ATP1A3: variants seen among roughly 807,000 people sequenced by gnomAD.
ATP1A3 encodes sodium/potassium-transporting ATPase subunit alpha-3.
ATP1A3 carries 12 observed loss-of-function variants against 108.8 expected under a neutral mutation model. That is an observed-to-expected ratio of 0.11 (90% CI 0.07 to 0.18). The LOEUF is 0.18. ATP1A3 is among the 10% of genes least tolerant of loss of function. The pLI, the probability that ATP1A3 is intolerant of heterozygous loss-of-function variation, is 1.00. For missense variants in ATP1A3, 498 were observed against 1,387.7 expected (o/e 0.36, Z 10.19); for synonymous variants, 539 against 564.5 (o/e 0.95, Z 0.64).
rs781982593 is a variant in ATP1A3 at position 41,967,048 on chromosome 19, G to A, written c.3014-83C>T. On this transcript the variant is annotated intron_variant, in intron 22 of 22. Transcript: ENST00000648268. This position sits in a 1 kb window ranked among gnomAD's most constrained non-coding sequence, Gnocchi z 4.2. ...AGGCGAGCCGCCCAGCAGAGAGAGGGACAGAGAGGGAGAGAGACAAGGAAA... is the reference window on the plus strand; with the variant it reads ...AGGCGAGCCGCCCAGCAGAGAGAGGAACAGAGAGGGAGAGAGACAAGGAAA... 6.4e-7 allele frequency: 1 copy of A among 1,551,606 alleles called. No homozygotes were observed. Among genetic ancestry groups the A allele is most frequent in the South Asian group, 1.2e-5 (1 of 84,030 alleles).
At position 41,981,248 on chromosome 19, in the gene ATP1A3, C is replaced by T. The variant is rs1345265612; in HGVS notation, c.1437+254G>A. 6.6e-6 allele frequency among the ~76,000 whole-genome samples: 1 copy of T among 152,002 alleles called. No individual in the cohort carries two copies. Among genetic ancestry groups the T allele is most frequent in the Non-Finnish European group, 1.5e-5 (1 of 68,020 alleles). ...TCCTGGCCTCAAGTGATCCCCCCAC[C>T]TCAGCCTCCCAAAGTTCTGGTGTTA... On this transcript the variant is annotated intron_variant, in intron 11 of 22. Coordinates refer to ENST00000648268, the MANE Select transcript of ATP1A3 (RefSeq NM_152296.5). The surrounding 1 kb of genome is among the most constrained non-coding windows in gnomAD (Gnocchi z 5.0).
At chr19:41,987,887 C>G (rs377100231) in intron 4 of ATP1A3, 49 bp downstream of exon 4, 19 of 1,602,440 alleles carry the variant, frequency 1.2e-5, no homozygotes, top group Non-Finnish European at 1.4e-5. Context: ...GTGCGGTGTC[C>G]GTAAATAAAT....
At chr19:41,993,904 C>A in intron 1 of ATP1A3, 167 bp downstream of exon 1, 1 of 1,310,124 alleles carries the variant, frequency 7.6e-7, no homozygotes, top group South Asian at 1.4e-5. Context: ...CCGCCGCCCC[C>A]TGCGGCCCCA....
intron 8 of ATP1A3, 100 bp downstream of exon 8, chr19:41,984,818 C>T (rs1449441808): frequency 2.2e-6 from 3 of 1,394,934 alleles, no homozygotes; most frequent in Non-Finnish European, 2.9e-6. Flanking sequence ...GCCCCTCCTC[C>T]CTCAGACTCA....
At chr19:41,987,641 G>A (rs868970302) in intron 4 of ATP1A3, among the ~76,000 whole-genome samples, 2 of 152,150 alleles carry the variant, frequency 1.3e-5, no homozygotes, top group Non-Finnish European at 2.9e-5. Flanking sequence ...CTGGGTATCT[G>A]TCAAGCCATG....
chr19:41,976,309 C>G, intron 15 of ATP1A3, 107 bp downstream of exon 15: 1 of 1,494,860 alleles, frequency 6.7e-7, no homozygotes, highest in Admixed American at 1.9e-5. Context: ...ACCCAGGGGT[C>G]CAGACCCCCA....
chr19:41,979,586 C>A (rs557450466), intron 11 of ATP1A3, among the ~76,000 whole-genome samples: 6 of 151,972 alleles, frequency 3.9e-5, no homozygotes, highest in Non-Finnish European at 8.8e-5. Context: ...GGATTACAGG[C>A]GTGAGCCACC....
Position 41,968,053 on chromosome 19 carries a change from G to C in ATP1A3, c.2820-290C>G, listed in dbSNP as rs1292599568. Reference sequence around the variant, plus strand: ...AGGGACAGACAGAGAGACAGACACAGGGACAGACACAGAGACAGGGACAGA... The same window carrying C: ...AGGGACAGACAGAGAGACAGACACACGGACAGACACAGAGACAGGGACAGA... On this transcript the variant is annotated intron_variant, in intron 20 of 22. Coordinates refer to ENST00000648268, the MANE Select transcript of ATP1A3 (RefSeq NM_152296.5). The surrounding 1 kb of genome is among the most constrained non-coding windows in gnomAD (Gnocchi z 5.0). Among the ~76,000 whole-genome samples the C allele has an allele frequency of 6.6e-6, 1 of 151,234 alleles. No homozygotes were observed. Among genetic ancestry groups the C allele is most frequent in the East Asian group, 1.9e-4 (1 of 5,138 alleles).
intron 1 of ATP1A3, among the ~76,000 whole-genome samples, chr19:41,989,177 C>T (rs1181003525): frequency 2.6e-5 from 4 of 151,884 alleles, no homozygotes; most frequent in South Asian, 2.1e-4. Context: ...TGGACTCAAG[C>T]GATCCTCCTG....
rs782325703 is a variant in ATP1A3 at position 41,975,612 on chromosome 19, A to T, written c.2263+17T>A. The T allele has an allele frequency of 6.2e-7, 1 of 1,613,366 alleles. No homozygotes were observed. The highest frequency in any genetic ancestry group is 2.2e-5 in the East Asian group (1 of 44,824). ...GGTAGTGACCCTGGTCTCCAGGGCC[A>T]CCCCTGGCCAACTCACCCTCCTCCA... On this transcript the variant is annotated intron_variant, in intron 16 of 22. Coordinates refer to ENST00000648268, the MANE Select transcript of ATP1A3 (RefSeq NM_152296.5).
intron 4 of ATP1A3, chr19:41,986,705 G>A (rs1214003673): frequency 5.6e-6 from 1 of 177,498 alleles, no homozygotes; most frequent in Admixed American, 5.6e-5. Flanking sequence ...CTCCCAAAGT[G>A]CTGGGATTAC....
chr19:41,969,407 C>T (rs782108657), intron 19 of ATP1A3, 28 bp downstream of exon 19: 2 of 1,614,104 alleles, frequency 1.2e-6, no homozygotes, highest in South Asian at 2.2e-5. Context: ...TTACGGTGGG[C>T]AGAGACACAG....
chr19:41,990,799 C>T (rs1283915400), intron 1 of ATP1A3: 2 of 151,840 alleles, frequency 1.3e-5, no homozygotes, highest in Non-Finnish European at 1.5e-5. Context: ...GGATCTTATT[C>T]TCTATTTCTG....
chr19:41,967,082 A>G lies in ATP1A3; in HGVS notation c.3014-117T>C. ...GGAGAGAGACAAGGAAACCACACAG[A>G]CAGAGACCCGTGAGAAGACAGAGTG... On this transcript the variant is annotated intron_variant, in intron 22 of 22. Coordinates refer to ENST00000648268, the MANE Select transcript of ATP1A3 (RefSeq NM_152296.5). The surrounding 1 kb of genome is among the most constrained non-coding windows in gnomAD (Gnocchi z 4.2). 1 of 1,551,894 alleles carries G rather than the reference A, an allele frequency of 6.4e-7. No homozygotes were observed. The highest frequency in any genetic ancestry group is 1.2e-5 in the South Asian group (1 of 84,000).
chr19:41,987,687 G>A (rs1190079736), intron 4 of ATP1A3, among the ~76,000 whole-genome samples: 1 of 152,182 alleles, frequency 6.6e-6, no homozygotes, highest in Non-Finnish European at 1.5e-5. Flanking sequence ...GGCCGCTGAG[G>A]TCACACAGCC....
chr19:41,967,079 C>T lies in ATP1A3; in HGVS notation c.3014-114G>A, dbSNP rs782163959. On this transcript the variant is annotated intron_variant, in intron 22 of 22. Coordinates refer to ENST00000648268, the MANE Select transcript of ATP1A3 (RefSeq NM_152296.5). This position sits in a 1 kb window ranked among gnomAD's most constrained non-coding sequence, Gnocchi z 4.2. ...GAGGGAGAGAGACAAGGAAACCACA[C>T]AGACAGAGACCCGTGAGAAGACAGA... 7.7e-5 allele frequency: 120 copies of T among 1,551,624 alleles called. No individual in the cohort carries two copies. The highest frequency in any genetic ancestry group is 1.0e-4 in the Non-Finnish European group (115 of 1,147,078).
chr19:41,993,524 C>CA, intron 1 of ATP1A3: 1 of 1,230,416 alleles, frequency 8.1e-7, no homozygotes, highest in African/African-American at 1.5e-5. Flanking sequence ...CACACACACA[C>CA]ACACACACAC....
chr19:41,987,318 CTG>C (rs143496582), intron 4 of ATP1A3, among the ~76,000 whole-genome samples: 137 of 151,532 alleles, frequency 9.0e-4, no homozygotes, highest in African/African-American at 3.0e-3. Flanking sequence ...GCCTGCATTG[CTG>C]TGTGTGTGTG....
chr19:41,979,402 T>C (rs1327771722), intron 11 of ATP1A3, among the ~76,000 whole-genome samples: 1 of 151,952 alleles, frequency 6.6e-6, no homozygotes, highest in Non-Finnish European at 1.5e-5. Flanking sequence ...GCAGCCTTGA[T>C]CTCCCAGGCT....
Sources: gnomAD v4.1 joint callset for allele counts (sites outside exome capture counted in the v4.1 genomes callset) on GRCh38, gnomAD v4.1.1 for gene constraint, Gnocchi (gnomAD v3.1) non-coding constraint, MANE v1.5 for transcripts, NCBI Gene and HGNC (gene_info 2026-07-23, HGNC 2026-07-21) for gene names.